Variants in OR51G2 observed in about 807,000 individuals in gnomAD.
OR51G2 encodes the protein olfactory receptor 51G2.
In OR51G2, 13 loss-of-function variants were observed where a neutral mutation model predicts 11.8. That is an observed-to-expected ratio of 1.10 (90% confidence interval 0.72 to 1.76). OR51G2 has a LOEUF of 1.76. Among genes scored for constraint, OR51G2 ranks in the 40% most tolerant of loss-of-function variants. The pLI is 0.00. For synonymous variants in OR51G2, 178 were observed against 151.9 expected (o/e 1.17, Z -1.26); for missense variants, 474 against 394.4 (o/e 1.20, Z -1.71).
rs1294713215 is a variant in OR51G2 at position 4,913,368 on chromosome 11, T to C, written c.*1351A>G. The stretch of plus-strand genomic sequence containing the variant: ...CACTTCATAGTAGAAGACATTGTGT[T>C]CAGCCACACCCTTTCTTAATCTGCA... On this transcript the variant is annotated 3_prime_UTR_variant, in exon 2 of 2. Transcript: ENST00000641926. The C allele has an allele frequency of 1.3e-5, 2 of 152,148 alleles. No homozygotes were observed. Among genetic ancestry groups the C allele is most frequent in the African/African-American group, 4.8e-5 (2 of 41,430 alleles). The allele number at this position is 152,148 out of a possible 1,614,324, so 9.4% of individuals were successfully genotyped here. A position where few individuals can be genotyped will look rare whatever the true frequency, so the allele number is the denominator to read the frequency against.
At chr11:4,918,196 C>A (rs752115067) in intron 1 of OR51G2, among the ~76,000 whole-genome samples, 6 of 152,108 alleles carry the variant, frequency 3.9e-5, no homozygotes, top group South Asian at 2.1e-4. Context: ...AGTGCCGGAG[C>A]TGGAATTCAA....
rs1453545894 is a variant in OR51G2 at position 4,915,016 on chromosome 11, T to A, written c.648A>T (p.Ser216=). 1 of 1,613,930 alleles carries A rather than the reference T, an allele frequency of 6.2e-7. No individual in the cohort carries two copies. ...FVIVSTVGID[S]LLILFSYALI... The stretch of plus-strand genomic sequence containing the variant: ...GAGCATAAGAGAAGAGGATGAGCAG[T>A]GAGTCTATACCCACTGTAGAGACGA... The change falls in exon 2 of 2, where the codon TCA becomes TCT. Residue 216 remains serine, a synonymous_variant. Coordinates refer to ENST00000641926, the MANE Select transcript of OR51G2 (RefSeq NM_001005238.2).
rs140842023 is a variant in OR51G2, at chr11:4,916,680, A to C, written c.-76-941T>G. On this transcript the variant is annotated intron_variant, in intron 1 of 1. Transcript: ENST00000641926. ...AGCTCATAAATGCTGCTCAGCTTAC[A>C]GAATTCCAGAGAAAGGTGGAGAGTA... is the stretch of plus-strand genomic sequence containing the variant. Among the ~76,000 whole-genome samples the C allele has an allele frequency of 3.9e-3, 594 of 152,326 alleles. 7 individuals carry two copies. The highest frequency in any genetic ancestry group is 0.013 in the African/African-American group (541 of 41,578).
In OR51G2 at chr11:4,913,628, T is replaced by A. The variant is rs963737030; in HGVS notation, c.*1091A>T. ...AAACTATCCTTGGTTCCTTGGCTTA[T>A]AATCTCTTTCTGATACAGTCAGTAC... On this transcript the variant is annotated 3_prime_UTR_variant, in exon 2 of 2. Transcript: ENST00000641926. 6.6e-6 allele frequency: 1 copy of A among 152,218 alleles called. No individual in the cohort carries two copies. Among genetic ancestry groups the A allele is most frequent in the African/African-American group, 2.4e-5 (1 of 41,458 alleles). 9.4% of individuals were successfully genotyped at this position (152,218 alleles called of 1,614,324 possible).
rs1434682093 is a variant in OR51G2, at chr11:4,915,569, A to T, written c.95T>A (p.Ile32Asn). 8.7e-6 allele frequency: 14 copies of T among 1,614,084 alleles called. No individual in the cohort carries two copies. Among genetic ancestry groups the T allele is most frequent in the Non-Finnish European group, 9.3e-6 (11 of 1,180,006 alleles). ...IPGLERMHIW[I>N]SIPLCFMYLV... is the part of the protein sequence containing the mutation. ...ATACATGAAGCACAGTGGGATGGAG[A>T]TCCAGATGTGCATGCGCTCCAGCCC... The change falls in exon 2 of 2, where the codon ATC (isoleucine) becomes AAC (asparagine). Residue 32 changes from isoleucine to asparagine, a missense_variant. By Grantham distance (149) the Ile-to-Asn change is moderately radical (BLOSUM62 -3). Transcript: ENST00000641926.
chr11:4,913,678 A>AT lies in OR51G2; in HGVS notation c.*1040dup, dbSNP rs1851027045. On this transcript the variant is annotated 3_prime_UTR_variant, in exon 2 of 2. Transcript: ENST00000641926. ...CCTCAATCTGTTTCCACTTCACCTC[A>AT]TTTTTCTTAAACCTTCCTGACATTC... The AT allele has an allele frequency of 6.6e-6, 1 of 152,080 alleles. No individual in the cohort carries two copies. Among genetic ancestry groups the AT allele is most frequent in the Non-Finnish European group, 1.5e-5 (1 of 68,036 alleles). The allele number at this position is 152,080 out of a possible 1,614,324, so 9.4% of individuals were successfully genotyped here. A position where few individuals can be genotyped will look rare whatever the true frequency, so the allele number is the denominator to read the frequency against.
Position 4,915,429 on chromosome 11 carries a change from A to G in OR51G2, c.235T>C (p.Ser79Pro). Reference sequence around the variant, plus strand: ...AGGACTGTAGGGAGAGTGCAAAGGGAGAGACCCAGGTCAATCAGAGCCAGC... The same window carrying G: ...AGGACTGTAGGGAGAGTGCAAAGGGGGAGACCCAGGTCAATCAGAGCCAGC... ...SMLALIDLGL[S>P]LCTLPTVLGI... Residue 79 changes from serine to proline, a missense_variant, in exon 2 of 2, where the codon TCC (serine) becomes CCC (proline). Transcript: ENST00000641926. 6.2e-7 allele frequency: 1 copy of G among 1,614,062 alleles called. No individual in the cohort carries two copies. The highest frequency in any genetic ancestry group is 8.5e-7 in the Non-Finnish European group (1 of 1,180,004).
intron 1 of OR51G2, 86 bp from the exon 2 acceptor site, chr11:4,915,825 G>C: frequency 3.8e-6 from 2 of 522,584 alleles, no homozygotes; most frequent in South Asian, 7.4e-5. Flanking sequence ...TCTGGTCCTT[G>C]ACTTCCTCTC....
intron 1 of OR51G2, 92 bp downstream of exon 1, chr11:4,919,085 G>C (rs1851142653): frequency 1.3e-5 from 2 of 152,222 alleles, no homozygotes; most frequent in Non-Finnish European, 2.9e-5. Context: ...GAAATTGACT[G>C]ATGTGAGAAA....
rs2595978 is a variant in OR51G2, at chr11:4,915,810, G to C, written c.-76-71C>G. 7.4e-6 allele frequency: 4 copies of C among 538,408 alleles called. No homozygotes were observed. In the African/African-American group the frequency reaches 7.6e-5, roughly 10 times the overall value. The allele number at this position is 538,408 out of a possible 1,614,324, so 33.4% of individuals were successfully genotyped here. On this transcript the variant is annotated intron_variant, in intron 1 of 1. Transcript: ENST00000641926. ...CTGTGCAGCTCTTTCTAGTGGTTAT[G>C]TCTTTCTGGTCCTTGACTTCCTCTC... is the stretch of plus-strand genomic sequence containing the variant.
rs543081100 is a variant in OR51G2, at chr11:4,915,672, G to A, written c.-9C>T. 4.1e-5 allele frequency: 65 copies of A among 1,600,322 alleles called. No homozygotes were observed. The East Asian group carries it at 1.2e-3, about 29-fold the overall frequency. Reference sequence around the variant, plus strand: ...AGGGATCCCAGGGTCATTGTGTGAGGAGACAAGGGGGAAGGTGGGTGCCCT... The same window carrying A: ...AGGGATCCCAGGGTCATTGTGTGAGAAGACAAGGGGGAAGGTGGGTGCCCT... On this transcript the variant is annotated 5_prime_UTR_variant, in exon 2 of 2. Coordinates refer to ENST00000641926, the MANE Select transcript of OR51G2 (RefSeq NM_001005238.2).
chr11:4,915,286 G>A lies in OR51G2; in HGVS notation c.378C>T (p.Asp126=), dbSNP rs1292556582. ...AGGGGTGGCAGATAGCCACAAAGCG[G>A]TCAAAGGCCATAGACAGTAGCACAG... ...ESSVLLSMAF[D]RFVAICHPLH... Residue 126 remains aspartate, a synonymous_variant, in exon 2 of 2, where the codon GAC becomes GAT. Coordinates refer to ENST00000641926, the MANE Select transcript of OR51G2 (RefSeq NM_001005238.2). 1.2e-6 allele frequency: 2 copies of A among 1,613,914 alleles called. No individual in the cohort carries two copies. The highest frequency in any genetic ancestry group is 1.7e-5 in the Admixed American group (1 of 59,994).
At chr11:4,917,608 C>G (rs1295737343) in intron 1 of OR51G2, among the ~76,000 whole-genome samples, 2 of 152,202 alleles carry the variant, frequency 1.3e-5, no homozygotes, top group African/African-American at 4.8e-5. Flanking sequence ...GGCTCTCACA[C>G]CGTGCTCCTC....
intron 1 of OR51G2, among the ~76,000 whole-genome samples, chr11:4,917,419 G>A (rs1851113977): frequency 6.6e-6 from 1 of 152,202 alleles, no homozygotes; most frequent in African/African-American, 2.4e-5. Flanking sequence ...ATAATTCAGT[G>A]TCAAGTGGCA....
At position 4,915,262 on chromosome 11, in the gene OR51G2, G is replaced by A. The variant is rs1313867826; in HGVS notation, c.402C>T (p.Pro134=). 4 of 1,613,896 alleles carry A rather than the reference G, an allele frequency of 2.5e-6. No individual in the cohort carries two copies. In the Admixed American group the frequency reaches 6.7e-5, roughly 27 times the overall value. Residue 134 remains proline, a synonymous_variant, in exon 2 of 2, where the codon CCC becomes CCT. Coordinates refer to ENST00000641926, the MANE Select transcript of OR51G2 (RefSeq NM_001005238.2). ...AFDRFVAICH[P]LHYVSILTNT... is the part of the protein sequence containing the mutation. Reference sequence around the variant, plus strand: ...TGGTGAGAATGGAAACATAGTGCAAGGGGTGGCAGATAGCCACAAAGCGGT... The same window carrying A: ...TGGTGAGAATGGAAACATAGTGCAAAGGGTGGCAGATAGCCACAAAGCGGT...
rs1232285393 is a variant in OR51G2, at chr11:4,915,215, C to T, written c.449G>A (p.Gly150Asp). The change falls in exon 2 of 2, where the codon GGC (glycine) becomes GAC (aspartate). Residue 150 changes from glycine (G) to aspartate (D), a missense_variant. By Grantham distance (94) the Gly-to-Asp change is moderately conservative (BLOSUM62 -1). Transcript: ENST00000641926. ...TACACTACGACCCAGAGAGACCAGGCCAATCCTGCCAATGACTGTGTTGGT... is the reference window on the plus strand; with the variant it reads ...TACACTACGACCCAGAGAGACCAGGTCAATCCTGCCAATGACTGTGTTGGT... ...ILTNTVIGRI[G>D]LVSLGRSVAL... 1 of 1,613,784 alleles carries T rather than the reference C, an allele frequency of 6.2e-7. No individual in the cohort carries two copies. Among genetic ancestry groups the T allele is most frequent in the African/African-American group, 1.3e-5 (1 of 75,006 alleles).
chr11:4,917,339 G>T (rs1311301155), intron 1 of OR51G2, among the ~76,000 whole-genome samples: 1 of 152,086 alleles, frequency 6.6e-6, no homozygotes, highest in Non-Finnish European at 1.5e-5. Flanking sequence ...AATAGGATTT[G>T]AACGAATATT....
intron 1 of OR51G2, among the ~76,000 whole-genome samples, chr11:4,916,554 A>G (rs1448928681): frequency 6.6e-6 from 1 of 151,556 alleles, no homozygotes; most frequent in Non-Finnish European, 1.5e-5. Flanking sequence ...GTTTTTGATT[A>G]ACTTCTCCAG....
At chr11:4,918,803 T>A (rs1295717479) in intron 1 of OR51G2, among the ~76,000 whole-genome samples, 1 of 152,190 alleles carries the variant, frequency 6.6e-6, no homozygotes, top group Non-Finnish European at 1.5e-5. Context: ...TAGACCACAC[T>A]TTGTGATCAC....
Sources: allele counts gnomAD v4.1 joint callset (sites outside exome capture counted in the v4.1 genomes callset), GRCh38; gene constraint gnomAD v4.1.1; transcripts MANE v1.5; gene names NCBI Gene and HGNC (gene_info 2026-07-23, HGNC 2026-07-21).